Variants in PRKG1 observed in about 807,000 individuals in gnomAD.
The protein encoded by PRKG1 is cGMP-dependent protein kinase 1.
Under a neutral mutation model 88.1 loss-of-function variants are expected in PRKG1, and 35 were observed. The ratio of observed to expected loss-of-function variants is 0.40; its 90% CI spans 0.30 to 0.53. The LOEUF (loss-of-function observed/expected upper bound fraction) is 0.53, where lower values mean the gene tolerates loss of function less well. Ranked by LOEUF, PRKG1 falls within the 20% of genes least tolerant of loss-of-function variation. PRKG1 has a pLI of 0.59. For synonymous variants in PRKG1, 303 were observed against 292.5 expected (o/e 1.04, Z -0.37); for missense variants, 540 against 839.8 (o/e 0.64, Z 4.41).
At chr10:51,237,638 C>T (rs530857884) in intron 2 of PRKG1, among the ~76,000 whole-genome samples, 1 of 152,242 alleles carries the variant, frequency 6.6e-6, no homozygotes, top group African/African-American at 2.4e-5. Context: ...TGAAGTCCTT[C>T]GATCTTTGAG....
chr10:51,074,320 T>G (rs765570065), upstream of PRKG1: 37 of 574,062 alleles, frequency 6.4e-5, no homozygotes, highest in Non-Finnish European at 8.9e-5. Context: ...CCACCGCGTC[T>G]CAGGTTTAAT....
chr10:51,193,178 G>T (rs1737326424), intron 2 of PRKG1, among the ~76,000 whole-genome samples: 1 of 152,012 alleles, frequency 6.6e-6, no homozygotes, highest in Admixed American at 6.6e-5. Flanking sequence ...AGAGAAGGAA[G>T]TCATGAAGAC....
intron 2 of PRKG1, among the ~76,000 whole-genome samples, chr10:51,314,157 A>C (rs1466369322): frequency 6.6e-6 from 1 of 152,206 alleles, no homozygotes; most frequent in East Asian, 1.9e-4. Context: ...TATGTACTTA[A>C]GAATGTTGTG....
At chr10:51,099,047 A>G (rs949872072) in intron 1 of PRKG1, among the ~76,000 whole-genome samples, 36 of 152,290 alleles carry the variant, frequency 2.4e-4, no homozygotes, top group Admixed American at 1.1e-3. Context: ...AACACAGTCT[A>G]TAGAACATTG....
At chr10:51,618,829 C>G (rs1030473576) in intron 3 of PRKG1, among the ~76,000 whole-genome samples, 1 of 151,860 alleles carries the variant, frequency 6.6e-6, no homozygotes, top group African/African-American at 2.4e-5. Context: ...AGTGTAGTGG[C>G]ACAATCTTGA....
At chr10:51,300,411 A>C (rs1286885380) in intron 2 of PRKG1, among the ~76,000 whole-genome samples, 2 of 152,194 alleles carry the variant, frequency 1.3e-5, no homozygotes, top group Non-Finnish European at 2.9e-5. Context: ...CTTCATGTGA[A>C]TCTCAGTGGG....
At chr10:52,101,616 T>C (rs1847295469) in intron 7 of PRKG1, among the ~76,000 whole-genome samples, 1 of 152,190 alleles carries the variant, frequency 6.6e-6, no homozygotes, top group Admixed American at 6.5e-5. Flanking sequence ...AAATAATTCA[T>C]GTGTATTGAC....
chr10:51,435,808 T>C (rs1838911884), intron 2 of PRKG1, among the ~76,000 whole-genome samples: 1 of 151,972 alleles, frequency 6.6e-6, no homozygotes, highest in Non-Finnish European at 1.5e-5. Context: ...TATGGTAGAT[T>C]AGGTGCCAAG....
intron 5 of PRKG1, among the ~76,000 whole-genome samples, chr10:52,009,387 G>A (rs1844824913): frequency 6.6e-6 from 1 of 151,966 alleles, no homozygotes; most frequent in African/African-American, 2.4e-5. Context: ...CAGCATCCAA[G>A]TCAAGAGCCA....
intron 5 of PRKG1, among the ~76,000 whole-genome samples, chr10:51,935,604 T>C (rs566818409): frequency 6.6e-6 from 1 of 152,286 alleles, no homozygotes; most frequent in Admixed American, 6.5e-5. Flanking sequence ...CACTCAGTCA[T>C]GAAAGACTTC....
intron 7 of PRKG1, among the ~76,000 whole-genome samples, chr10:52,130,099 CAT>C (rs1262901340): frequency 1.3e-5 from 2 of 152,164 alleles, no homozygotes; most frequent in African/African-American, 4.8e-5. Context: ...TTGTTCCCGA[CAT>C]GTACTATATG....
At chr10:51,250,422 T>C (rs534828762) in intron 2 of PRKG1, among the ~76,000 whole-genome samples, 66 of 151,952 alleles carry the variant, frequency 4.3e-4, no homozygotes, top group Middle Eastern at 6.8e-3. Context: ...TGTTTCAGAA[T>C]GATGGAATAA....
At chr10:51,946,622 G>A (rs1843041677) in intron 5 of PRKG1, among the ~76,000 whole-genome samples, 1 of 151,994 alleles carries the variant, frequency 6.6e-6, no homozygotes, top group Admixed American at 6.6e-5. Flanking sequence ...TGATGGTGAT[G>A]TACAGGTGGG....
chr10:51,182,063 A>AT (rs1477566059), intron 2 of PRKG1, among the ~76,000 whole-genome samples: 1 of 152,098 alleles, frequency 6.6e-6, no homozygotes, highest in East Asian at 1.9e-4. Context: ...CACAGTTGTC[A>AT]TTTTTTTTCC....
chr10:51,122,593 C>A (rs1845286600), intron 1 of PRKG1, among the ~76,000 whole-genome samples: 1 of 152,128 alleles, frequency 6.6e-6, no homozygotes, highest in Non-Finnish European at 1.5e-5. Flanking sequence ...TCATGTAAAT[C>A]AAAATCACAA....
At chr10:52,106,705 AAATAAT>A (rs57109678) in intron 7 of PRKG1, among the ~76,000 whole-genome samples, 24,033 of 139,870 alleles carry the variant, frequency 0.17, 2,143 homozygotes, top group Non-Finnish European at 0.21. Flanking sequence ...CTCTGTCCCA[AAATAAT>A]AATAATAATA....
chr10:51,235,277 T>C (rs1404860810), intron 2 of PRKG1, among the ~76,000 whole-genome samples: 1 of 152,194 alleles, frequency 6.6e-6, no homozygotes, highest in Non-Finnish European at 1.5e-5. Context: ...AAATTTAAGA[T>C]TAAATATTAC....
chr10:51,186,958 A>ATATATATATATATATATATATATGTG (rs1837505645), intron 2 of PRKG1, among the ~76,000 whole-genome samples: 1 of 46,476 alleles, frequency 2.2e-5, no homozygotes, highest in Non-Finnish European at 6.1e-5. Context: ...CCTGTGTTAT[A>ATATATATATATATATATATATATGTG]TATATATATA....
chr10:51,258,931 A>G (rs991056327), intron 2 of PRKG1, among the ~76,000 whole-genome samples: 4 of 152,116 alleles, frequency 2.6e-5, no homozygotes, highest in African/African-American at 9.7e-5. Flanking sequence ...CTGTTCTTTG[A>G]TGTGAACCTC....
Sources: gnomAD v4.1 joint callset for allele counts (sites outside exome capture counted in the v4.1 genomes callset) on GRCh38, gnomAD v4.1.1 for gene constraint, MANE v1.5 for transcripts, NCBI Gene and HGNC (gene_info 2026-07-23, HGNC 2026-07-21) for gene names.